The following SLC44A2 variants were observed in gnomAD, a reference collection of about 807,000 sequenced individuals.
The protein encoded by SLC44A2 is choline transporter-like protein 2.
A neutral mutation model predicts 90.8 loss-of-function variants in SLC44A2; 57 were observed. That is an observed-to-expected ratio of 0.63 (90% CI 0.51 to 0.78). The LOEUF (loss-of-function observed/expected upper bound fraction) is 0.78. Ranked by LOEUF, SLC44A2 falls within the 30% of genes least tolerant of loss-of-function variation. The pLI is 0.00. For missense variants in SLC44A2, 794 were observed against 919.7 expected, an observed-to-expected ratio of 0.86 and a Z score of 1.77; for synonymous variants, 355 against 360.7, an observed-to-expected ratio of 0.98 and a Z score of 0.18.
rs748429652 is a variant in SLC44A2, at chr19:10,634,829, C to T, written c.897C>T (p.Leu299=). The change falls in exon 11 of 22, where the codon CTC becomes CTT. Residue 299 remains leucine (L), a synonymous_variant. Transcript: ENST00000335757. ...GCTCTGATGTCTCTTTGGTGGACCT[C>T]GGCTTTCAGACGGATTTCCGGGTGT... ...EAGSDVSLVD[L]GFQTDFRVYL... 5.6e-6 allele frequency: 9 copies of T among 1,614,112 alleles called. No homozygotes were observed. The highest frequency in any genetic ancestry group is 1.6e-4 in the Middle Eastern group (1 of 6,062).
intron 1 of SLC44A2, among the ~76,000 whole-genome samples, chr19:10,616,540 A>G (rs1270678766): frequency 6.6e-6 from 1 of 152,038 alleles, no homozygotes; most frequent in Non-Finnish European, 1.5e-5. Context: ...GGATTGAGCC[A>G]CCATGTCCTG....
intron 1 of SLC44A2, among the ~76,000 whole-genome samples, chr19:10,618,958 C>CTTTTTTTTTT (rs772955506): frequency 1.0e-5 from 1 of 100,096 alleles, no homozygotes; most frequent in African/African-American, 3.7e-5. Context: ...GTATACAATT[C>CTTTTTTTTTT]TTTTTTTTTT....
At chr19:10,635,748 T>A in intron 14 of SLC44A2, 1 of 415,254 alleles carries the variant, frequency 2.4e-6, no homozygotes, top group Non-Finnish European at 4.3e-6. Context: ...CCCTGGGTGC[T>A]AAATCACCCA....
chr19:10,626,163 C>A, intron 1 of SLC44A2, 90 bp from the exon 2 acceptor site: 1 of 1,037,682 alleles, frequency 9.6e-7, no homozygotes, highest in Non-Finnish European at 1.5e-6. Flanking sequence ...AAGGCAAAGA[C>A]ACCCCTAGGG....
intron 1 of SLC44A2, among the ~76,000 whole-genome samples, chr19:10,607,740 T>C (rs1918150984): frequency 7.6e-6 from 1 of 131,576 alleles, no homozygotes. Context: ...CATTTATTAT[T>C]ATTATTATTA....
At position 10,626,191 on chromosome 19, in the gene SLC44A2, C is replaced by T. The variant is rs114095820; in HGVS notation, c.38-62C>T. 2,650 of 1,360,632 alleles carry T rather than the reference C, an allele frequency of 1.9e-3. 54 individuals carry two copies. The African/African-American group carries it at 0.034, about 17-fold the overall frequency. The allele number at this position is 1,360,632 out of a possible 1,614,324, so 84.3% of individuals were successfully genotyped here. ...CCCTAGGGGCTTTTGGGAGGGGGCTCTCCCAGCCCTGTCTTGGTTCAGGTC... is the reference window on the plus strand; with the variant it reads ...CCCTAGGGGCTTTTGGGAGGGGGCTTTCCCAGCCCTGTCTTGGTTCAGGTC... On this transcript the variant is annotated intron_variant, in intron 1 of 21. Transcript: ENST00000335757.
At position 10,643,482 on chromosome 19, in the gene SLC44A2, A is replaced by C; in HGVS notation, c.*97A>C. 6 of 1,393,272 alleles carry C rather than the reference A, an allele frequency of 4.3e-6. No homozygotes were observed. The highest frequency in any genetic ancestry group is 5.8e-6 in the Non-Finnish European group (6 of 1,028,462). The allele number at this position is 1,393,272 out of a possible 1,614,324, so 86.3% of individuals were successfully genotyped here. Reference sequence around the variant, plus strand: ...GCCCCTTGGGCTCACCTGAAGTCCTATCACTGCCGCTCTGCCCCTCCCCAT... The same window carrying C: ...GCCCCTTGGGCTCACCTGAAGTCCTCTCACTGCCGCTCTGCCCCTCCCCAT... On this transcript the variant is annotated 3_prime_UTR_variant, in exon 22 of 22. Coordinates refer to ENST00000335757, the MANE Select transcript of SLC44A2 (RefSeq NM_020428.4).
rs1055782615 is a variant in SLC44A2 at position 10,632,688 on chromosome 19, T to C, written c.823+532T>C. Reference sequence around the variant, plus strand: ...GCTTCAATTTCTTTCTTTTTTTTTTTTGAGACGGAGTTCTGTTCTTGTCAC... The same window carrying C: ...GCTTCAATTTCTTTCTTTTTTTTTTCTGAGACGGAGTTCTGTTCTTGTCAC... On this transcript the variant is annotated intron_variant, in intron 10 of 21. Transcript: ENST00000335757. Among the ~76,000 whole-genome samples the C allele has an allele frequency of 2.9e-3, 438 of 151,972 alleles. 1 individual carries two copies. Among genetic ancestry groups the C allele is most frequent in the Non-Finnish European group, 4.0e-3 (270 of 67,940 alleles).
Position 10,643,497 on chromosome 19 carries a change from C to A in SLC44A2, c.*112C>A. 7.9e-7 allele frequency: 1 copy of A among 1,270,022 alleles called. No individual in the cohort carries two copies. The highest frequency in any genetic ancestry group is 1.1e-6 in the Non-Finnish European group (1 of 931,586). 78.7% of individuals were successfully genotyped at this position (1,270,022 alleles called of 1,614,324 possible). On this transcript the variant is annotated 3_prime_UTR_variant, in exon 22 of 22. Transcript: ENST00000335757. ...CTGAAGTCCTATCACTGCCGCTCTG[C>A]CCCTCCCCATGAGCCAGATCCCACC...
At chr19:10,635,410 G>C (rs755418792) in intron 13 of SLC44A2, 21 bp from the exon 14 acceptor site, 2 of 1,613,884 alleles carry the variant, frequency 1.2e-6, no homozygotes, top group African/African-American at 1.3e-5. Context: ...CTAGACCTCT[G>C]CTTCCTTAAC....
At chr19:10,641,185 G>C (rs529165498) in intron 20 of SLC44A2, 11 of 355,048 alleles carry the variant, frequency 3.1e-5, no homozygotes, top group African/African-American at 2.2e-4. Flanking sequence ...TTGAGCTCAG[G>C]AGTTTGAAAA....
rs748930699 is a variant in SLC44A2 at position 10,631,859 on chromosome 19, T to C, written c.627-9T>C. 1.4e-5 allele frequency: 22 copies of C among 1,614,118 alleles called. No individual in the cohort carries two copies. The South Asian group carries it at 2.3e-4, about 17-fold the overall frequency. On this transcript the variant is annotated splice_polypyrimidine_tract_variant and intron_variant, in intron 8 of 21. Coordinates refer to ENST00000335757, the MANE Select transcript of SLC44A2 (RefSeq NM_020428.4). ...GGGTCTGACCCGAGCCTTGTCCTCC[T>C]TCCCCCAGGAAAGCCAATGGAGTCC...
chr19:10,623,996 G>T (rs900447460), upstream of SLC44A2, among the ~76,000 whole-genome samples: 1 of 133,042 alleles, frequency 7.5e-6, no homozygotes, highest in African/African-American at 2.9e-5. Flanking sequence ...GCTAATTTTT[G>T]ATTTATTGAT....
chr19:10,602,953 C>G (rs971680177), intron 1 of SLC44A2, among the ~76,000 whole-genome samples: 6 of 152,196 alleles, frequency 3.9e-5, no homozygotes, highest in African/African-American at 1.4e-4. Flanking sequence ...CTTCCTCCTT[C>G]CCTTTTCCGC....
chr19:10,628,141 T>C (rs1568448604), intron 4 of SLC44A2, 137 bp downstream of exon 4: 1 of 769,468 alleles, frequency 1.3e-6, no homozygotes, highest in South Asian at 1.7e-5. Context: ...TTCCAACACT[T>C]TGGGAGGCCG....
At position 10,627,275 on chromosome 19, in the gene SLC44A2, C is replaced by T. The variant is rs571058862; in HGVS notation, c.87-447C>T. On this transcript the variant is annotated intron_variant, in intron 2 of 21. Transcript: ENST00000335757. ...GGTAGAGGTTGCAGTAAGCTGAGAT[C>T]GTTCCACTGCACTCCAGCCTGGGCG... is the stretch of plus-strand genomic sequence containing the variant. Among the ~76,000 whole-genome samples, 137 of 150,316 alleles carry T rather than the reference C, an allele frequency of 9.1e-4. 1 individual carries two copies. The highest frequency in any genetic ancestry group is 2.9e-3 in the African/African-American group (120 of 40,752).
At chr19:10,641,415 C>T (rs866218514) in intron 20 of SLC44A2, 10 of 442,322 alleles carry the variant, frequency 2.3e-5, no homozygotes, top group Middle Eastern at 3.3e-4. Context: ...AAAAAAAAAA[C>T]GCCCACTCTA....
rs573933737 is a variant in SLC44A2 at position 10,603,005 on chromosome 19, G to A, written c.31+444G>A. Among the ~76,000 whole-genome samples the A allele has an allele frequency of 3.3e-5, 5 of 152,354 alleles. 1 individual carries two copies. In the South Asian group the frequency reaches 1.0e-3, roughly 32 times the overall value. On this transcript the variant is annotated intron_variant, in intron 1 of 21. Transcript: ENST00000407327. ...GGGCTTTTGGCCAGATGGGGAAACTGAGGCAAGACTGGGCAGACCGAATAC... is the reference window on the plus strand; with the variant it reads ...GGGCTTTTGGCCAGATGGGGAAACTAAGGCAAGACTGGGCAGACCGAATAC...
chr19:10,605,538 TA>T (rs999648434), intron 1 of SLC44A2, among the ~76,000 whole-genome samples: 4 of 150,562 alleles, frequency 2.7e-5, no homozygotes, highest in Non-Finnish European at 5.9e-5. Context: ...AAATAAATAA[TA>T]AAAATACAAA....
Sources: gnomAD v4.1 joint callset for allele counts (sites outside exome capture counted in the v4.1 genomes callset) on GRCh38, gnomAD v4.1.1 for gene constraint, MANE v1.5 for transcripts, NCBI Gene and HGNC (gene_info 2026-07-23, HGNC 2026-07-21) for gene names.